SULT6B1: variants seen among roughly 807,000 people sequenced by gnomAD.
The protein encoded by SULT6B1 is sulfotransferase family 6B member 1.
A neutral mutation model predicts 37.2 loss-of-function variants in SULT6B1; 44 were observed. The ratio of observed to expected loss-of-function variants is 1.18; its 90% CI spans 0.93 to 1.52. The LOEUF is 1.52. SULT6B1 is among the 40% of genes most tolerant of loss of function. The probability of loss-of-function intolerance (pLI) is 0.00; values close to 1 mark genes in which losing one functional copy is unlikely to be tolerated. For synonymous variants in SULT6B1, 140 were observed against 126.0 expected (o/e 1.11, Z -0.74); for missense variants, 450 against 361.0 (o/e 1.25, Z -2.00).
At chr2:37,177,045 C>G (rs1267745483) in intron 4 of SULT6B1, among the ~76,000 whole-genome samples, 1 of 152,118 alleles carries the variant, frequency 6.6e-6, no homozygotes, top group Non-Finnish European at 1.5e-5. Context: ...CAGGAACCAG[C>G]TACCTACCTT....
chr2:37,190,038 C>T (rs1268229142), upstream of SULT6B1: 1 of 152,220 alleles, frequency 6.6e-6, no homozygotes, highest in East Asian at 1.9e-4. Context: ...GTGTAACAGG[C>T]CTCGTTCTGA....
At chr2:37,190,324 G>A (rs1171771820), upstream of SULT6B1, among the ~76,000 whole-genome samples, 1 of 151,858 alleles carries the variant, frequency 6.6e-6, no homozygotes, top group Non-Finnish European at 1.5e-5. Context: ...TTTTTTCACT[G>A]TATTTACCTT....
At chr2:37,187,012 T>G (rs894303403) in intron 2 of SULT6B1, among the ~76,000 whole-genome samples, 7 of 152,354 alleles carry the variant, frequency 4.6e-5, no homozygotes, top group African/African-American at 1.7e-4. Context: ...CTCAGCTTAC[T>G]TTCCCCCTAC....
chr2:37,188,354 G>C, intron 1 of SULT6B1, 88 bp downstream of exon 1: 1 of 1,141,546 alleles, frequency 8.8e-7, no homozygotes, highest in Non-Finnish European at 1.3e-6. Context: ...CTGCAATGAG[G>C]AACCGCCTTC....
chr2:37,188,484 C>T lies in SULT6B1; in HGVS notation c.157G>A (p.Ala53Thr). Residue 53 changes from alanine to threonine, a missense_variant, in exon 1 of 7, where the codon GCC (alanine) becomes ACC (threonine). Transcript: ENST00000535679. ...GCTAGCACGATGTCATCATGTCTGG[C>T]TTCGAAGGTGTCCAGCGCTTGGAAA... is the stretch of plus-strand genomic sequence containing the variant. ...ETFQALDTFE[A>T]RHDDIVLASY... The T allele has an allele frequency of 6.2e-7, 1 of 1,614,138 alleles. No individual in the cohort carries two copies.
In SULT6B1 at chr2:37,179,595, A is replaced by C; in HGVS notation, c.403-11T>G. 6.2e-7 allele frequency: 1 copy of C among 1,606,744 alleles called. No homozygotes were observed. The highest frequency in any genetic ancestry group is 8.5e-7 in the Non-Finnish European group (1 of 1,178,468). ...AAATATCACCAATATCTAGGGAGCA[A>C]AAATTGAGTTAATTTATTTGGGTCT... On this transcript the variant is annotated splice_polypyrimidine_tract_variant and intron_variant, in intron 3 of 6. Transcript: ENST00000535679.
chr2:37,187,276 T>G, intron 2 of SULT6B1, 79 bp downstream of exon 2: 1 of 990,570 alleles, frequency 1.0e-6, no homozygotes, highest in South Asian at 1.4e-5. Context: ...CTTTCTAAAC[T>G]GAAAACTAAA....
At position 37,188,438 on chromosome 2, in the gene SULT6B1, T is replaced by C. The variant is rs1676718270; in HGVS notation, c.199+4A>G. The C allele has an allele frequency of 6.2e-7, 1 of 1,612,340 alleles. No individual in the cohort carries two copies. The highest frequency in any genetic ancestry group is 8.5e-7 in the Non-Finnish European group (1 of 1,178,988). On this transcript the variant is annotated splice_donor_region_variant and intron_variant, in intron 1 of 6. Transcript: ENST00000535679. ...GTACTTGTAGGAAACGACTTGTCATTTACCGCACTTTGGATAAGATGCTAG... is the reference window on the plus strand; with the variant it reads ...GTACTTGTAGGAAACGACTTGTCATCTACCGCACTTTGGATAAGATGCTAG...
At chr2:37,194,674 T>C in intron 1 of SULT6B1, 1 of 242,590 alleles carries the variant, frequency 4.1e-6, no homozygotes. Context: ...TATTCTTGGG[T>C]CATCACCTCG....
intron 6 of SULT6B1, among the ~76,000 whole-genome samples, chr2:37,170,599 T>C (rs1441019417): frequency 1.3e-5 from 2 of 151,110 alleles, no homozygotes; most frequent in Non-Finnish European, 2.9e-5. Context: ...CAAAACCCTG[T>C]CTCTATTAAA....
intron 2 of SULT6B1, among the ~76,000 whole-genome samples, chr2:37,184,664 C>G (rs1245421403): frequency 6.6e-6 from 1 of 152,200 alleles, no homozygotes; most frequent in African/African-American, 2.4e-5. Context: ...AACCCCATCT[C>G]TACTAAAAAT....
chr2:37,186,633 C>G (rs1676679297), intron 2 of SULT6B1, among the ~76,000 whole-genome samples: 2 of 152,088 alleles, frequency 1.3e-5, no homozygotes, highest in South Asian at 2.1e-4. Context: ...GGCTCATGCC[C>G]ATAATCTCAG....
intron 6 of SULT6B1, among the ~76,000 whole-genome samples, chr2:37,170,737 CAAAAA>C (rs10617061): frequency 3.2e-5 from 3 of 94,046 alleles, no homozygotes. Context: ...GATTCTGTCT[CAAAAA>C]AAAAAAAAAA....
intron 4 of SULT6B1, among the ~76,000 whole-genome samples, chr2:37,178,335 A>AT (rs1676475346): frequency 6.6e-6 from 1 of 152,054 alleles, no homozygotes; most frequent in Non-Finnish European, 1.5e-5. Flanking sequence ...CCTCCTGTTC[A>AT]TGCAAGTCTT....
At chr2:37,196,035 G>C (rs1472022245) in intron 1 of SULT6B1, 4 of 152,170 alleles carry the variant, frequency 2.6e-5, no homozygotes, top group Admixed American at 2.6e-4. Context: ...CACCGTGTTA[G>C]CCAGGATGGT....
At chr2:37,185,039 G>A (rs1384699475) in intron 2 of SULT6B1, among the ~76,000 whole-genome samples, 2 of 152,070 alleles carry the variant, frequency 1.3e-5, no homozygotes, top group African/African-American at 2.4e-5. Flanking sequence ...GGTAGATATC[G>A]TAACCCCCAT....
intron 4 of SULT6B1, among the ~76,000 whole-genome samples, chr2:37,178,603 ATAAATCT>A (rs1676481970): frequency 7.3e-6 from 1 of 137,192 alleles, no homozygotes; most frequent in Non-Finnish European, 1.6e-5. Flanking sequence ...ATAGTTTGTT[ATAAATCT>A]TAAATTAAAA....
At chr2:37,183,606 A>G in intron 2 of SULT6B1, 92 bp from the exon 3 acceptor site, 11 of 930,228 alleles carry the variant, frequency 1.2e-5, no homozygotes, top group Non-Finnish European at 1.5e-5. Flanking sequence ...TCTAAGTGAT[A>G]GTTTCTAGCA....
At chr2:37,195,623 C>G (rs1314370695) in intron 1 of SULT6B1, among the ~76,000 whole-genome samples, 1 of 152,226 alleles carries the variant, frequency 6.6e-6, no homozygotes, top group Non-Finnish European at 1.5e-5. Flanking sequence ...ATACCCCTAA[C>G]TAGACTAGAA....
Sources: gnomAD v4.1 joint callset for allele counts (sites outside exome capture counted in the v4.1 genomes callset) on GRCh38, gnomAD v4.1.1 for gene constraint, MANE v1.5 for transcripts, NCBI Gene and HGNC (gene_info 2026-07-23, HGNC 2026-07-21) for gene names.